Variants in CPAP observed in about 807,000 individuals in gnomAD.
The protein encoded by CPAP is centrosome assembly and centriole elongation protein, also known as centrosomal P4.1-associated protein.
At chr13:24,915,042 T>G in the CPAP span, among the ~76,000 whole-genome samples, 2 of 151,970 alleles carry the variant, frequency 1.3e-5, no homozygotes, top group African/African-American at 4.8e-5. Flanking sequence ...ACCACTGCAC[T>G]CCAGCCTAGG....
chr13:24,906,482 T>C, the CPAP span: 1 of 1,614,260 alleles, frequency 6.2e-7, no homozygotes, highest in Admixed American at 1.7e-5. Context: ...ACCTTGTGTC[T>C]TATTCCACCC....
At chr13:24,928,789 T>C in the CPAP span, among the ~76,000 whole-genome samples, 1 of 152,220 alleles carries the variant, frequency 6.6e-6, no homozygotes, top group African/African-American at 2.4e-5. Context: ...ATCTTGGCAT[T>C]TTGATATAGT....
chr13:24,916,769 T>C, the CPAP span, among the ~76,000 whole-genome samples: 1 of 152,182 alleles, frequency 6.6e-6, no homozygotes, highest in East Asian at 1.9e-4. Context: ...AAACTCACAT[T>C]TGCAATAAAC....
At chr13:24,883,055 T>C in the CPAP span, 1 of 906,258 alleles carries the variant, frequency 1.1e-6, no homozygotes, top group Non-Finnish European at 1.8e-6. Flanking sequence ...AGGGTAAACT[T>C]TTATTTTAGA....
chr13:24,883,098 T>G, the CPAP span: 64 of 1,274,312 alleles, frequency 5.0e-5, 1 homozygote, highest in Middle Eastern at 5.6e-4. Context: ...ACACAATAAA[T>G]TAAACAGAAT....
chr13:24,905,927 G>A, the CPAP span: 45 of 1,614,020 alleles, frequency 2.8e-5, no homozygotes, highest in Non-Finnish European at 3.8e-5. Flanking sequence ...CTCAGAGTCA[G>A]TGCTACTGTC....
chr13:24,913,735 T>A, the CPAP span, among the ~76,000 whole-genome samples: 2 of 152,268 alleles, frequency 1.3e-5, no homozygotes, highest in African/African-American at 4.8e-5. Context: ...ATATATTCAC[T>A]ACTGCCAAGC....
At chr13:24,911,292 A>G in the CPAP span, among the ~76,000 whole-genome samples, 2 of 152,092 alleles carry the variant, frequency 1.3e-5, no homozygotes, top group African/African-American at 4.8e-5. Flanking sequence ...AAACTTTCAA[A>G]CCACTGCTCC....
At chr13:24,889,142 T>C in the CPAP span, 3 of 627,176 alleles carry the variant, frequency 4.8e-6, no homozygotes, top group African/African-American at 5.5e-5. Context: ...ATTATCAGGG[T>C]AGAAATTAAC....
the CPAP span, chr13:24,886,384 G>A: frequency 7.8e-7 from 1 of 1,288,710 alleles, no homozygotes; most frequent in Non-Finnish European, 1.0e-6. Context: ...GCTGTGCTGT[G>A]CCTGTGAGAC....
At chr13:24,902,424 C>T in the CPAP span, among the ~76,000 whole-genome samples, 6 of 152,114 alleles carry the variant, frequency 3.9e-5, no homozygotes, top group African/African-American at 1.4e-4. Context: ...GATAAGCATA[C>T]ATTTACAGTA....
At chr13:24,906,586 C>T in the CPAP span, 1 of 1,614,200 alleles carries the variant, frequency 6.2e-7, no homozygotes. Context: ...GGTCTCTAAA[C>T]TGCCCATCAC....
At chr13:24,885,639 A>T in the CPAP span, 4 of 1,613,204 alleles carry the variant, frequency 2.5e-6, no homozygotes, top group Non-Finnish European at 3.4e-6. Context: ...AATCACGAGG[A>T]GGTGCAGACT....
chr13:24,885,712 T>C, the CPAP span: 1 of 1,401,970 alleles, frequency 7.1e-7, no homozygotes, highest in Non-Finnish European at 1.0e-6. Context: ...TAATATTTAA[T>C]TGAAAATTTT....
the CPAP span, chr13:24,892,744 G>T: frequency 6.2e-7 from 1 of 1,613,892 alleles, no homozygotes; most frequent in Non-Finnish European, 8.5e-7. Context: ...ATTTCTTCCC[G>T]GAGGTCTGTG....
chr13:24,923,043 G>C, the CPAP span, among the ~76,000 whole-genome samples: 1 of 152,378 alleles, frequency 6.6e-6, no homozygotes, highest in Admixed American at 6.5e-5. Flanking sequence ...GTCGACGTAG[G>C]CGGGCGGCGT....
At chr13:24,920,330 G>A in the CPAP span, among the ~76,000 whole-genome samples, 2 of 152,212 alleles carry the variant, frequency 1.3e-5, no homozygotes, top group Non-Finnish European at 2.9e-5. Flanking sequence ...ATAGAAGACA[G>A]TGAACATAAT....
At chr13:24,885,210 T>C in the CPAP span, 1 of 1,062,240 alleles carries the variant, frequency 9.4e-7, no homozygotes, top group Non-Finnish European at 1.5e-6. Flanking sequence ...AGATTCTATG[T>C]GTTTCAACTA....
chr13:24,892,743 C>T, the CPAP span: 24 of 1,614,040 alleles, frequency 1.5e-5, no homozygotes, highest in African/African-American at 1.2e-4. Context: ...TATTTCTTCC[C>T]GGAGGTCTGT....
Sources: allele counts gnomAD v4.1 joint callset (sites outside exome capture counted in the v4.1 genomes callset), GRCh38; gene constraint gnomAD v4.1.1; transcripts MANE v1.5; gene names NCBI Gene and HGNC (gene_info 2026-07-23, HGNC 2026-07-21).